The following SPAG16 variants were observed in gnomAD, a reference collection of about 807,000 sequenced individuals.
SPAG16 encodes sperm-associated antigen 16 protein.
A neutral mutation model predicts 80.4 loss-of-function variants in SPAG16; 86 were observed. That is an observed-to-expected ratio of 1.07 (90% CI 0.90 to 1.28). The LOEUF (loss-of-function observed/expected upper bound fraction) is 1.28, where lower values mean the gene tolerates loss of function less well. Ranked by LOEUF, SPAG16 falls within the 50% of genes most tolerant of loss-of-function variation. The pLI is 0.00. For synonymous variants in SPAG16, 294 were observed against 265.9 expected (o/e 1.11, Z -1.03); for missense variants, 870 against 765.3 (o/e 1.14, Z -1.61).
intron 10 of SPAG16, among the ~76,000 whole-genome samples, chr2:213,677,151 C>T (rs537158264): frequency 5.9e-5 from 9 of 152,072 alleles, no homozygotes; most frequent in Middle Eastern, 6.8e-3. Flanking sequence ...CGGTACCAGC[C>T]GCTGTAAAAT....
At chr2:213,386,509 T>C (rs1009990066) in intron 9 of SPAG16, among the ~76,000 whole-genome samples, 1 of 152,200 alleles carries the variant, frequency 6.6e-6, no homozygotes, top group Non-Finnish European at 1.5e-5. Flanking sequence ...CTATGTTTCA[T>C]GGATTGATAA....
At chr2:214,214,540 G>T (rs2058380081) in intron 15 of SPAG16, among the ~76,000 whole-genome samples, 1 of 151,842 alleles carries the variant, frequency 6.6e-6, no homozygotes, top group South Asian at 2.1e-4. Context: ...CTGTAGGTTT[G>T]TCTCCTCTCT....
At chr2:213,828,739 A>G (rs771533688) in intron 10 of SPAG16, among the ~76,000 whole-genome samples, 23 of 152,200 alleles carry the variant, frequency 1.5e-4, no homozygotes, top group Non-Finnish European at 2.5e-4. Flanking sequence ...CCATATCTGC[A>G]TTAGGGAGTA....
At chr2:214,292,922 G>A (rs937424528) in intron 15 of SPAG16, among the ~76,000 whole-genome samples, 2 of 152,234 alleles carry the variant, frequency 1.3e-5, no homozygotes, top group Admixed American at 6.5e-5. Context: ...TAAAGTGTCA[G>A]TGGTATCTTT....
intron 10 of SPAG16, among the ~76,000 whole-genome samples, chr2:213,680,462 A>C (rs2064324234): frequency 6.6e-6 from 1 of 152,044 alleles, no homozygotes; most frequent in Non-Finnish European, 1.5e-5. Context: ...GTTTTATTAC[A>C]AAGGCAAAAA....
intron 1 of SPAG16, among the ~76,000 whole-genome samples, chr2:213,288,713 ATTTCTT>A (rs890677030): frequency 2.3e-4 from 35 of 151,498 alleles, no homozygotes; most frequent in Non-Finnish European, 4.4e-4. Flanking sequence ...GGATGCATAG[ATTTCTT>A]TTTCTTTTTT....
intron 10 of SPAG16, among the ~76,000 whole-genome samples, chr2:213,853,801 C>A (rs1171999336): frequency 6.6e-6 from 1 of 152,106 alleles, no homozygotes; most frequent in Non-Finnish European, 1.5e-5. Flanking sequence ...GCTTATTATT[C>A]TTATTTATTA....
intron 13 of SPAG16, among the ~76,000 whole-genome samples, chr2:214,038,714 C>T (rs1173829146): frequency 1.3e-5 from 2 of 148,428 alleles, no homozygotes; most frequent in Non-Finnish European, 3.0e-5. Flanking sequence ...CACAACAAGC[C>T]CTGGTGTGTG....
intron 10 of SPAG16, among the ~76,000 whole-genome samples, chr2:213,499,296 C>T (rs1456655878): frequency 6.6e-6 from 1 of 152,066 alleles, no homozygotes; most frequent in Non-Finnish European, 1.5e-5. Context: ...ATACTAGGTA[C>T]ATAACATAGA....
intron 15 of SPAG16, among the ~76,000 whole-genome samples, chr2:214,222,596 A>G (rs1041817066): frequency 6.6e-6 from 1 of 152,112 alleles, no homozygotes; most frequent in Middle Eastern, 3.4e-3. Context: ...TTTTGCTTTA[A>G]TTTTTTTTAC....
chr2:214,203,734 C>G (rs931854957), intron 15 of SPAG16, among the ~76,000 whole-genome samples: 1 of 152,140 alleles, frequency 6.6e-6, no homozygotes, highest in Non-Finnish European at 1.5e-5. Flanking sequence ...GGAGGGCTAC[C>G]AGAGGAACTG....
chr2:214,316,538 C>T (rs72952036), intron 15 of SPAG16, among the ~76,000 whole-genome samples: 13,780 of 152,168 alleles, frequency 0.091, 744 homozygotes, highest in Middle Eastern at 0.13. Context: ...TAAGGACCCG[C>T]GATGAAAGTT....
intron 13 of SPAG16, among the ~76,000 whole-genome samples, chr2:214,103,819 C>A (rs1009834846): frequency 6.6e-6 from 1 of 151,932 alleles, no homozygotes; most frequent in Admixed American, 6.6e-5. Context: ...TGGGTGAGAA[C>A]CGGGTGTACC....
At chr2:213,359,601 C>T (rs1054259574) in intron 7 of SPAG16, among the ~76,000 whole-genome samples, 2 of 152,232 alleles carry the variant, frequency 1.3e-5, no homozygotes, top group Admixed American at 6.5e-5. Flanking sequence ...AGAAAATCTC[C>T]TGGTCTGCCA....
intron 10 of SPAG16, among the ~76,000 whole-genome samples, chr2:213,692,959 T>C (rs2065008187): frequency 6.6e-6 from 1 of 152,216 alleles, no homozygotes. Flanking sequence ...AAACAACAGG[T>C]TCTGAATTTT....
intron 10 of SPAG16, among the ~76,000 whole-genome samples, chr2:213,800,076 CT>C (rs2071288839): frequency 6.6e-6 from 1 of 151,868 alleles, no homozygotes; most frequent in South Asian, 2.1e-4. Context: ...TGACAGAATA[CT>C]TTGACCTGTA....
chr2:214,273,007 C>A, intron 15 of SPAG16, among the ~76,000 whole-genome samples: 1 of 152,178 alleles, frequency 6.6e-6, no homozygotes, highest in East Asian at 1.9e-4. Flanking sequence ...GATGGTATCT[C>A]ACTGTGGTTT....
chr2:214,099,789 T>C (rs1252197749), intron 13 of SPAG16, among the ~76,000 whole-genome samples: 1 of 152,028 alleles, frequency 6.6e-6, no homozygotes, highest in Non-Finnish European at 1.5e-5. Context: ...ATAAAAATTG[T>C]AGGGATGTTT....
intron 11 of SPAG16, among the ~76,000 whole-genome samples, chr2:213,865,337 T>A (rs2075642780): frequency 6.6e-6 from 1 of 151,910 alleles, no homozygotes. Context: ...ATGAATGAGA[T>A]TAATCACAAA....
Sources: allele counts gnomAD v4.1 joint callset (sites outside exome capture counted in the v4.1 genomes callset), GRCh38; gene constraint gnomAD v4.1.1; transcripts MANE v1.5; gene names NCBI Gene and HGNC (gene_info 2026-07-23, HGNC 2026-07-21).